The following DIP2C variants were observed in gnomAD, a reference collection of about 807,000 sequenced individuals.
DIP2C encodes the protein disco-interacting protein 2 homolog C.
Under a neutral mutation model 192.4 loss-of-function variants are expected in DIP2C, and 33 were observed. The observed-to-expected ratio is 0.17, with a 90% CI of 0.13 to 0.23. The LOEUF is 0.23. Among genes scored for constraint, DIP2C ranks in the 10% least tolerant of loss-of-function variants. DIP2C has a pLI of 1.00. For missense variants in DIP2C, 1,537 were observed against 2,110.1 expected, an observed-to-expected ratio of 0.73 and a Z score of 5.32; for synonymous variants, 979 against 864.1, an observed-to-expected ratio of 1.13 and a Z score of -2.33.
intron 1 of DIP2C, among the ~76,000 whole-genome samples, chr10:512,922 G>GAGAAA (rs1554887229): frequency 0.022 from 1,985 of 92,146 alleles, 47 homozygotes; most frequent in African/African-American, 0.056. Context: ...CCCACTTCAG[G>GAGAAA]AAAAAAAAAA....
At chr10:413,846 T>A in intron 8 of DIP2C, 67 bp downstream of exon 8, 1 of 1,547,810 alleles carries the variant, frequency 6.5e-7, no homozygotes, top group Non-Finnish European at 8.8e-7. Flanking sequence ...GGACACTGAG[T>A]TTCCTGCGTT....
At chr10:387,134 C>A (rs187330274) in intron 14 of DIP2C, among the ~76,000 whole-genome samples, 1 of 152,232 alleles carries the variant, frequency 6.6e-6, no homozygotes, top group Admixed American at 6.5e-5. Context: ...AGCCCACACA[C>A]GAACCAACCT....
chr10:422,552 G>A (rs540013103), intron 5 of DIP2C, among the ~76,000 whole-genome samples: 2 of 152,316 alleles, frequency 1.3e-5, no homozygotes, highest in African/African-American at 4.8e-5. Flanking sequence ...AAGGTTTCAT[G>A]TAGGAGCATA....
intron 17 of DIP2C, among the ~76,000 whole-genome samples, chr10:378,217 G>GA (rs1206603285): frequency 6.6e-6 from 1 of 152,160 alleles, no homozygotes; most frequent in African/African-American, 2.4e-5. Context: ...CAGTTTTAAA[G>GA]AGAAAAAAAT....
chr10:352,019 C>T (rs917646056), intron 24 of DIP2C, among the ~76,000 whole-genome samples: 5 of 152,230 alleles, frequency 3.3e-5, no homozygotes, highest in African/African-American at 7.2e-5. Flanking sequence ...TCAGCTCAGC[C>T]CCCGCCCCGC....
chr10:579,460 C>G (rs188888434), intron 1 of DIP2C, among the ~76,000 whole-genome samples: 1 of 151,510 alleles, frequency 6.6e-6, no homozygotes, highest in African/African-American at 2.4e-5. Flanking sequence ...ATGCATAGAG[C>G]GTACACACAT....
chr10:336,855 C>A (rs1957793977), intron 29 of DIP2C, among the ~76,000 whole-genome samples: 1 of 148,140 alleles, frequency 6.8e-6, no homozygotes, highest in Non-Finnish European at 1.5e-5. Context: ...TTGTGGAGGC[C>A]TAGACTGGTG....
chr10:384,241 A>G lies in DIP2C; in HGVS notation c.1757-95T>C. ...CATTGTGAGTAGTGGGGAAGGGTGAAGAATCACTGGTCACCCAGCCCCCAC... is the reference window on the plus strand; with the variant it reads ...CATTGTGAGTAGTGGGGAAGGGTGAGGAATCACTGGTCACCCAGCCCCCAC... On this transcript the variant is annotated intron_variant, in intron 15 of 36. Coordinates refer to ENST00000280886, the MANE Select transcript of DIP2C (RefSeq NM_014974.3). 3 of 1,381,146 alleles carry G rather than the reference A, an allele frequency of 2.2e-6. No homozygotes were observed. The South Asian group carries it at 4.0e-5, about 18-fold the overall frequency. 85.6% of individuals were successfully genotyped at this position (1,381,146 alleles called of 1,614,324 possible).
At chr10:399,046 G>T in intron 10 of DIP2C, 63 bp downstream of exon 10, 1 of 1,413,028 alleles carries the variant, frequency 7.1e-7, no homozygotes, top group Non-Finnish European at 1.0e-6. Flanking sequence ...ACCCAGCCGG[G>T]ATACAGCCAC....
At chr10:389,062 G>A (rs1963235587) in intron 13 of DIP2C, among the ~76,000 whole-genome samples, 3 of 148,454 alleles carry the variant, frequency 2.0e-5, no homozygotes, top group Non-Finnish European at 1.5e-5. Flanking sequence ...GCCATCCCAA[G>A]GGATCTCAGG....
At chr10:563,691 T>C (rs1398104213) in intron 1 of DIP2C, among the ~76,000 whole-genome samples, 4 of 152,222 alleles carry the variant, frequency 2.6e-5, no homozygotes, top group East Asian at 1.9e-4. Flanking sequence ...GCTGATTACA[T>C]TGCATTTGAT....
At chr10:431,699 T>TGG (rs1966857446) in intron 4 of DIP2C, among the ~76,000 whole-genome samples, 1 of 152,262 alleles carries the variant, frequency 6.6e-6, no homozygotes, top group South Asian at 2.1e-4. Context: ...GAACAAAGTT[T>TGG]TATTTCTCTT....
rs981221078 is a variant in DIP2C at position 580,759 on chromosome 10, C to A, written c.86-94229G>T. Reference sequence around the variant, plus strand: ...TTTTTTTCCAAACTGTAATAGAAGTCATACAAAGAGGGTTTTAAGGAAATA... The same window carrying A: ...TTTTTTTCCAAACTGTAATAGAAGTAATACAAAGAGGGTTTTAAGGAAATA... On this transcript the variant is annotated intron_variant, in intron 1 of 36. Coordinates refer to ENST00000280886, the MANE Select transcript of DIP2C (RefSeq NM_014974.3). 2.6e-5 allele frequency among the ~76,000 whole-genome samples: 4 copies of A among 151,974 alleles called. 1 individual carries two copies. Among genetic ancestry groups the A allele is most frequent in the Middle Eastern group, 6.9e-3 (2 of 290 alleles).
intron 32 of DIP2C, among the ~76,000 whole-genome samples, chr10:301,829 A>G (rs572409373): frequency 7.4e-4 from 112 of 152,326 alleles, no homozygotes; most frequent in African/African-American, 2.5e-3. Flanking sequence ...GTCGGGAGGC[A>G]AGAGAAGTGG....
At position 597,782 on chromosome 10, in the gene DIP2C, G is replaced by A. The variant is rs556981873; in HGVS notation, c.85+91712C>T. Among the ~76,000 whole-genome samples, 11 of 152,176 alleles carry A rather than the reference G, an allele frequency of 7.2e-5. No homozygotes were observed. In the East Asian group the frequency reaches 1.5e-3, roughly 21 times the overall value. ...TAAGCTTGAGGTTAAAGAGAATAAC[G>A]TCACTGGCCACAGCTGGGGCCACAC... On this transcript the variant is annotated intron_variant, in intron 1 of 36. Transcript: ENST00000280886.
chr10:369,733 GCA>G, intron 17 of DIP2C, 100 bp from the exon 18 acceptor site: 1 of 1,587,146 alleles, frequency 6.3e-7, no homozygotes, highest in Non-Finnish European at 8.6e-7. Context: ...GCACCTCTGG[GCA>G]CAGTGCTGGC....
At chr10:331,292 AATTT>A (rs1215654610) in intron 29 of DIP2C, among the ~76,000 whole-genome samples, 1 of 152,234 alleles carries the variant, frequency 6.6e-6, no homozygotes. Flanking sequence ...TGGCTAACAA[AATTT>A]ATTTCAAACG....
intron 3 of DIP2C, among the ~76,000 whole-genome samples, chr10:466,515 C>A (rs1970213003): frequency 7.3e-6 from 1 of 136,602 alleles, no homozygotes. Context: ...AAAGCAATGG[C>A]AACAAAAGAC....
chr10:554,190 C>T (rs557538132), intron 1 of DIP2C, among the ~76,000 whole-genome samples: 1 of 149,596 alleles, frequency 6.7e-6, no homozygotes, highest in Non-Finnish European at 1.5e-5. Flanking sequence ...ATATACATCA[C>T]AGGAGAAAAG....
Sources: gnomAD v4.1 joint callset for allele counts (sites outside exome capture counted in the v4.1 genomes callset) on GRCh38, gnomAD v4.1.1 for gene constraint, MANE v1.5 for transcripts, NCBI Gene and HGNC (gene_info 2026-07-23, HGNC 2026-07-21) for gene names.